Variants in SORBS2 observed in about 807,000 individuals in gnomAD.
SORBS2 encodes sorbin and SH3 domain-containing protein 2.
Under a neutral mutation model 97.7 loss-of-function variants are expected in SORBS2, and 46 were observed. That is an observed-to-expected ratio of 0.47 (90% CI 0.37 to 0.60). SORBS2 has a LOEUF of 0.60. SORBS2 is among the 20% of genes least tolerant of loss of function. The probability of loss-of-function intolerance (pLI) is 0.00; values close to 1 mark genes in which losing one functional copy is unlikely to be tolerated. For synonymous variants in SORBS2, 476 were observed against 473.4 expected (o/e 1.01, Z -0.07); for missense variants, 1,316 against 1,282.3 (o/e 1.03, Z -0.40).
chr4:185,654,717 T>C (rs1346787004), intron 1 of SORBS2, among the ~76,000 whole-genome samples: 1 of 152,222 alleles, frequency 6.6e-6, no homozygotes, highest in Non-Finnish European at 1.5e-5. Context: ...AGGCTGAGAA[T>C]AAGAAAATAG....
In SORBS2 at chr4:185,852,477, T is replaced by C. The variant is rs558972167; in HGVS notation, c.-337-77111A>G. ...ACTCTGACAAATACAATCATATTCA[T>C]GGGAACATTTTAATTTGAGTCTATC... On this transcript the variant is annotated intron_variant, in intron 1 of 20. Coordinates refer to the SORBS2 transcript ENST00000284776. 7.9e-5 allele frequency among the ~76,000 whole-genome samples: 12 copies of C among 152,332 alleles called. No homozygotes were observed. The South Asian group carries it at 1.2e-3, about 16-fold the overall frequency.
At chr4:185,657,001 T>C, upstream of SORBS2, 1 of 1,001,518 alleles carries the variant, frequency 1.0e-6, no homozygotes, top group Non-Finnish European at 1.2e-6. Context: ...TTAACACACA[T>C]CTATTTCAAA....
chr4:185,922,660 C>T (rs780761049), intron 1 of SORBS2, among the ~76,000 whole-genome samples: 4 of 152,114 alleles, frequency 2.6e-5, no homozygotes, highest in Admixed American at 2.6e-4. Context: ...GAAATTACAG[C>T]GATTATCATT....
intron 1 of SORBS2, among the ~76,000 whole-genome samples, chr4:185,830,280 G>T (rs2099204420): frequency 6.6e-6 from 1 of 152,204 alleles, no homozygotes; most frequent in Admixed American, 6.5e-5. Flanking sequence ...ATAGTTTGGA[G>T]AATGAGCCAC....
At chr4:185,840,523 T>G (rs1403820146) in intron 1 of SORBS2, among the ~76,000 whole-genome samples, 1 of 152,198 alleles carries the variant, frequency 6.6e-6, no homozygotes, top group Non-Finnish European at 1.5e-5. Context: ...ACCCTTTTAG[T>G]TCCATTCCAA....
intron 2 of SORBS2, among the ~76,000 whole-genome samples, chr4:185,731,909 T>TATATATA (rs1491340120): frequency 2.0e-5 from 2 of 97,630 alleles, no homozygotes; most frequent in Non-Finnish European, 4.3e-5. Flanking sequence ...TATATATATA[T>TATATATA]GTCTGTTTCT....
upstream of SORBS2, chr4:185,656,992 T>C: frequency 9.6e-7 from 1 of 1,043,100 alleles, no homozygotes; most frequent in African/African-American, 1.7e-5. Flanking sequence ...CTCCCGGTGT[T>C]AACACACATC....
intron 1 of SORBS2, among the ~76,000 whole-genome samples, chr4:185,863,032 G>T (rs920745923): frequency 1.3e-5 from 2 of 152,218 alleles, no homozygotes; most frequent in Non-Finnish European, 2.9e-5. Flanking sequence ...CGCCAGGCCA[G>T]TGGAGAGGTG....
At chr4:185,741,404 G>GTTTTTTTTTT (rs58376567) in intron 2 of SORBS2, among the ~76,000 whole-genome samples, 6 of 111,666 alleles carry the variant, frequency 5.4e-5, no homozygotes, top group African/African-American at 6.9e-5. Flanking sequence ...TTTTTTTTTT[G>GTTTTTTTTTT]TTTTTTTTTT....
At chr4:185,587,355 A>AT (rs1260611823) in exon 15 of SORBS2, 32 of 301,234 alleles carry the variant, frequency 1.1e-4, no homozygotes, top group Non-Finnish European at 1.5e-4. Flanking sequence ...AAATATCATG[A>AT]TTTTTTTCTT....
chr4:185,919,891 C>A (rs1054083955), intron 1 of SORBS2, among the ~76,000 whole-genome samples: 22 of 152,362 alleles, frequency 1.4e-4, no homozygotes, highest in African/African-American at 5.3e-4. Context: ...TAATACATGG[C>A]AGATGACATA....
chr4:185,614,159 G>GTTTTTTTTTTTTTT (rs34929054), intron 11 of SORBS2, among the ~76,000 whole-genome samples: 181 of 91,584 alleles, frequency 2.0e-3, no homozygotes, highest in East Asian at 3.2e-3. Context: ...GTTTTTTTGT[G>GTTTTTTTTTTTTTT]TTTTTTTTTT....
intron 2 of SORBS2, among the ~76,000 whole-genome samples, chr4:185,709,320 T>TTTTTTTTTTTTC (rs1181008953): frequency 2.8e-5 from 4 of 140,976 alleles, no homozygotes; most frequent in African/African-American, 1.1e-4. Flanking sequence ...TTTTTTTTTT[T>TTTTTTTTTTTTC]TTTTAGTAAA....
chr4:185,730,267 A>C (rs6850326), intron 2 of SORBS2, among the ~76,000 whole-genome samples: 64,968 of 150,956 alleles, frequency 0.43, 15,322 homozygotes, highest in Admixed American at 0.54. Flanking sequence ...CAAACCAGGA[A>C]AGTGTAATTC....
intron 1 of SORBS2, among the ~76,000 whole-genome samples, chr4:185,861,681 C>T (rs960081704): frequency 6.6e-6 from 1 of 151,442 alleles, no homozygotes. Context: ...TCTTGGCTTA[C>T]TGCAACCTCT....
rs996510681 is a variant in SORBS2 at position 185,699,507 on chromosome 4, G to T, written c.-197-20685C>A. Among the ~76,000 whole-genome samples, 8 of 152,114 alleles carry T rather than the reference G, an allele frequency of 5.3e-5. 1 individual carries two copies. In the South Asian group the frequency reaches 8.3e-4, roughly 16 times the overall value. ...TCACCATGTTGGCCACACTGGTCTC[G>T]AACTCTTGACCTCAGGTAATCTGCC... On this transcript the variant is annotated intron_variant, in intron 2 of 20. Transcript: ENST00000284776.
chr4:185,814,582 A>G (rs1379288841), intron 1 of SORBS2, among the ~76,000 whole-genome samples: 1 of 151,704 alleles, frequency 6.6e-6, no homozygotes, highest in Non-Finnish European at 1.5e-5. Context: ...ACAAACAAAT[A>G]TCTGAAGTCA....
intron 1 of SORBS2, among the ~76,000 whole-genome samples, chr4:185,879,516 G>C (rs952622464): frequency 1.3e-5 from 2 of 152,132 alleles, no homozygotes; most frequent in African/African-American, 4.8e-5. Flanking sequence ...ATGATTTATA[G>C]TCCTTTGAGT....
intron 1 of SORBS2, among the ~76,000 whole-genome samples, chr4:185,867,622 G>C (rs527416959): frequency 1.3e-5 from 2 of 152,314 alleles, no homozygotes; most frequent in South Asian, 4.1e-4. Flanking sequence ...CCATTGGACT[G>C]ACAGGAAATG....
Sources: allele counts gnomAD v4.1 joint callset (sites outside exome capture counted in the v4.1 genomes callset), GRCh38; gene constraint gnomAD v4.1.1; transcripts MANE v1.5; gene names NCBI Gene and HGNC (gene_info 2026-07-23, HGNC 2026-07-21).